Variants in FNDC3B observed in about 807,000 individuals in gnomAD.
FNDC3B encodes fibronectin type III domain-containing protein 3B.
In FNDC3B, 12 loss-of-function variants were observed where a neutral mutation model predicts 151.5. The ratio of observed to expected loss-of-function variants is 0.08; its 90% CI spans 0.05 to 0.13. The LOEUF (loss-of-function observed/expected upper bound fraction) is 0.13. Among genes scored for constraint, FNDC3B ranks in the 10% least tolerant of loss-of-function variants. The pLI, the probability that FNDC3B is intolerant of heterozygous loss-of-function variation, is 1.00. For missense variants in FNDC3B, 1,214 were observed against 1,505.3 expected, an observed-to-expected ratio of 0.81 and a Z score of 3.20; for synonymous variants, 528 against 549.0, an observed-to-expected ratio of 0.96 and a Z score of 0.54.
chr3:172,331,554 G>C (rs773114959), intron 13 of FNDC3B, among the ~76,000 whole-genome samples: 1 of 152,048 alleles, frequency 6.6e-6, no homozygotes, highest in Non-Finnish European at 1.5e-5. Flanking sequence ...TAGAGATGGG[G>C]TTTCACCATG....
intron 1 of FNDC3B, among the ~76,000 whole-genome samples, chr3:172,106,789 G>A (rs1039236267): frequency 6.6e-6 from 1 of 152,140 alleles, no homozygotes. Flanking sequence ...GTCTTTCTTA[G>A]TATAGGCTGG....
chr3:172,172,485 CT>C (rs376745716), intron 3 of FNDC3B, among the ~76,000 whole-genome samples: 3 of 151,972 alleles, frequency 2.0e-5, no homozygotes, highest in African/African-American at 7.3e-5. Flanking sequence ...TTCAAAGATC[CT>C]TTTTTGTTGT....
In FNDC3B at chr3:172,341,130, G is replaced by T. The variant is rs151097213; in HGVS notation, c.1870G>T (p.Ala624Ser). The change falls in exon 17 of 26, where the codon GCC becomes TCC. Residue 624 changes from alanine to serine, a missense_variant. Ala to Ser is a moderately conservative substitution (Grantham distance 99). Transcript: ENST00000415807. ...GNSEANQWEV[A>S]YSGSATEYTF... Reference sequence around the variant, plus strand: ...TTTTACAGCGAATCAGTGGGAAGTGGCCTACAGTGGGTCGGCTACCGAATA... The same window carrying T: ...TTTTACAGCGAATCAGTGGGAAGTGTCCTACAGTGGGTCGGCTACCGAATA... 1 of 1,613,730 alleles carries T rather than the reference G, an allele frequency of 6.2e-7. No homozygotes were observed. Among genetic ancestry groups the T allele is most frequent in the Admixed American group, 1.7e-5 (1 of 60,026 alleles).
chr3:172,145,392 G>T (rs1015639858), intron 3 of FNDC3B, among the ~76,000 whole-genome samples: 1 of 152,194 alleles, frequency 6.6e-6, no homozygotes, highest in Non-Finnish European at 1.5e-5. Flanking sequence ...TTAGAGAAAT[G>T]ACCAGATGAA....
intron 6 of FNDC3B, among the ~76,000 whole-genome samples, chr3:172,260,631 G>C (rs1322068588): frequency 6.6e-6 from 1 of 152,182 alleles, no homozygotes; most frequent in East Asian, 1.9e-4. Context: ...TCAGAATGCT[G>C]TTGGGCAAGG....
At chr3:172,202,840 A>G (rs1240043186) in intron 3 of FNDC3B, among the ~76,000 whole-genome samples, 2 of 152,238 alleles carry the variant, frequency 1.3e-5, no homozygotes, top group Non-Finnish European at 2.9e-5. Context: ...AAAATTAAGA[A>G]TTATTACTTG....
chr3:172,109,056 T>C (rs1428672717), intron 1 of FNDC3B, among the ~76,000 whole-genome samples: 1 of 152,202 alleles, frequency 6.6e-6, no homozygotes, highest in East Asian at 1.9e-4. Flanking sequence ...CATCGTTGGC[T>C]GCATGTAGGC....
Position 172,074,781 on chromosome 3 carries a change from A to T in FNDC3B, c.-29+35010A>T, listed in dbSNP as rs189201317. On this transcript the variant is annotated intron_variant, in intron 1 of 25. Transcript: ENST00000415807. ...GTTAGTGGCCACAGTCACATGATTG[A>T]TTACCGGTTGGGGACCCACAGTTAG... 1.6e-4 allele frequency among the ~76,000 whole-genome samples: 25 copies of T among 152,322 alleles called. 1 individual carries two copies. Among genetic ancestry groups the T allele is most frequent in the African/African-American group, 5.3e-4 (22 of 41,574 alleles).
At chr3:172,283,580 C>G (rs1282732713) in intron 6 of FNDC3B, among the ~76,000 whole-genome samples, 2 of 152,164 alleles carry the variant, frequency 1.3e-5, no homozygotes, top group Non-Finnish European at 2.9e-5. Context: ...CAAGAGGAAA[C>G]AGTTACCTCC....
intron 1 of FNDC3B, among the ~76,000 whole-genome samples, chr3:172,079,266 A>G (rs540424019): frequency 2.1e-4 from 32 of 152,080 alleles, no homozygotes; most frequent in African/African-American, 7.0e-4. Context: ...CTGGTTGGGG[A>G]AAAAAAATAA....
At chr3:172,065,097 T>G (rs766342419) in intron 1 of FNDC3B, among the ~76,000 whole-genome samples, 8 of 151,876 alleles carry the variant, frequency 5.3e-5, no homozygotes, top group Non-Finnish European at 1.2e-4. Context: ...ACTTTGGGAG[T>G]CTGAGGCGGA....
intron 3 of FNDC3B, among the ~76,000 whole-genome samples, chr3:172,192,730 AAT>A (rs147939000): frequency 1.8e-4 from 27 of 150,446 alleles, no homozygotes; most frequent in Admixed American, 2.6e-4. Context: ...ACAGGGCATG[AAT>A]ATATATATAT....
intron 6 of FNDC3B, among the ~76,000 whole-genome samples, chr3:172,256,995 A>G (rs2108783488): frequency 6.6e-6 from 1 of 151,898 alleles, no homozygotes; most frequent in Admixed American, 6.5e-5. Flanking sequence ...CGGTGGCGCA[A>G]TTTCGGCTCA....
At chr3:172,156,542 C>G (rs151144593) in intron 3 of FNDC3B, among the ~76,000 whole-genome samples, 15 of 152,204 alleles carry the variant, frequency 9.9e-5, no homozygotes, top group Non-Finnish European at 1.6e-4. Context: ...ATTTCCGTTG[C>G]GTTGCAAGAA....
intron 4 of FNDC3B, among the ~76,000 whole-genome samples, chr3:172,243,331 C>T (rs1433387598): frequency 3.3e-5 from 5 of 152,218 alleles, no homozygotes; most frequent in African/African-American, 1.2e-4. Context: ...AGTCTGTTTT[C>T]ATGCTGCTGA....
chr3:172,181,109 A>AAGTG (rs1313952153), intron 3 of FNDC3B, among the ~76,000 whole-genome samples: 2 of 10,792 alleles, frequency 1.9e-4, no homozygotes, highest in African/African-American at 1.2e-3. Flanking sequence ...ATATTCTAAG[A>AAGTG]TGACAGCCTG....
intron 1 of FNDC3B, among the ~76,000 whole-genome samples, chr3:172,052,463 G>A (rs1410016954): frequency 4.6e-5 from 7 of 152,188 alleles, no homozygotes; most frequent in Non-Finnish European, 2.9e-5. Flanking sequence ...TTGCTGAGCT[G>A]TTGGAGGCCC....
intron 3 of FNDC3B, among the ~76,000 whole-genome samples, chr3:172,175,057 G>A (rs1158957394): frequency 6.6e-6 from 1 of 150,706 alleles, no homozygotes; most frequent in Non-Finnish European, 1.5e-5. Context: ...CCCTGACCAG[G>A]CCCCTGCTGC....
chr3:172,205,204 G>C (rs182603774), intron 3 of FNDC3B, among the ~76,000 whole-genome samples: 1 of 152,108 alleles, frequency 6.6e-6, no homozygotes, highest in African/African-American at 2.4e-5. Context: ...TTACCATTTG[G>C]TTGTCTGGGT....
Sources: gnomAD v4.1 joint callset for allele counts (sites outside exome capture counted in the v4.1 genomes callset) on GRCh38, gnomAD v4.1.1 for gene constraint, MANE v1.5 for transcripts, NCBI Gene and HGNC (gene_info 2026-07-23, HGNC 2026-07-21) for gene names.